ADGRG1: variants seen among roughly 807,000 people sequenced by gnomAD.
ADGRG1 encodes adhesion G protein-coupled receptor G1, also known as 7-transmembrane protein with no EGF-like N-terminal domains-1.
A neutral mutation model predicts 73.5 loss-of-function variants in ADGRG1; 53 were observed. The ratio of observed to expected loss-of-function variants is 0.72; its 90% CI spans 0.58 to 0.91. The LOEUF is 0.91. Among genes scored for constraint, ADGRG1 ranks in the 40% least tolerant of loss-of-function variants. The pLI, the probability that ADGRG1 is intolerant of heterozygous loss-of-function variation, is 0.00. For missense variants in ADGRG1, 795 were observed against 871.8 expected (o/e 0.91, Z 1.11); for synonymous variants, 394 against 374.4 (o/e 1.05, Z -0.60).
intron 1 of ADGRG1, chr16:57,631,230 G>C (rs998350246): frequency 4.7e-5 from 46 of 986,464 alleles, no homozygotes; most frequent in Non-Finnish European, 4.7e-5. Context: ...TTGGTGTAGG[G>C]GTTGGCCTCC....
At chr16:57,641,386 C>T (rs2040782379) in intron 1 of ADGRG1, 1 of 980,280 alleles carries the variant, frequency 1.0e-6, no homozygotes, top group African/African-American at 1.8e-5. Flanking sequence ...GGCCATGAAC[C>T]TCTACGTGGC....
rs148115404 is a variant in ADGRG1 at position 57,639,739 on chromosome 16, C to T, written c.-35-10514C>T. ...ACTCCTGCTCCCTCTCCCTGCTCCC[C>T]GCTTCTCCCCTGTCTTCCTCCTTCA... On this transcript the variant is annotated intron_variant, in intron 1 of 13. Coordinates refer to ENST00000562631, the MANE Select transcript of ADGRG1 (RefSeq NM_201525.4). The T allele has an allele frequency of 9.3e-4, 807 of 867,090 alleles. 1 individual carries two copies. The highest frequency in any genetic ancestry group is 4.0e-3 in the Middle Eastern group (7 of 1,738). The allele number at this position is 867,090 out of a possible 1,614,324, so 53.7% of individuals were successfully genotyped here.
At chr16:57,635,503 C>T (rs1397524092) in intron 1 of ADGRG1, 1 of 985,226 alleles carries the variant, frequency 1.0e-6, no homozygotes, top group East Asian at 1.1e-4. Context: ...CAGGTGGTGG[C>T]ATGCCCCAGG....
At chr16:57,657,987 C>A (rs1390914841) in intron 10 of ADGRG1, among the ~76,000 whole-genome samples, 3 of 152,110 alleles carry the variant, frequency 2.0e-5, no homozygotes, top group Non-Finnish European at 4.4e-5. Context: ...AGTGATCCAC[C>A]CACCTCAGCC....
At chr16:57,659,296 G>C in intron 10 of ADGRG1, 117 bp from the exon 11 acceptor site, 1 of 1,581,562 alleles carries the variant, frequency 6.3e-7, no homozygotes, top group Non-Finnish European at 8.5e-7. Flanking sequence ...GGCCATGTAT[G>C]ACTGCATGTG....
At chr16:57,655,775 T>C (rs896381393) in intron 6 of ADGRG1, 101 bp from the exon 7 acceptor site, 3 of 1,611,996 alleles carry the variant, frequency 1.9e-6, no homozygotes, top group Non-Finnish European at 2.5e-6. Flanking sequence ...CAAGGCAATG[T>C]GCTGGGAGAG....
At chr16:57,644,775 CATAT>C (rs773550994) in intron 1 of ADGRG1, among the ~76,000 whole-genome samples, 1 of 145,902 alleles carries the variant, frequency 6.9e-6, no homozygotes, top group Non-Finnish European at 1.5e-5. Flanking sequence ...TGCACACACA[CATAT>C]GCACACTCAT....
Position 57,665,481 on chromosome 16 carries a change from G to A in ADGRG1, c.*1899G>A, listed in dbSNP as rs530472250. 16 of 152,358 alleles carry A rather than the reference G, an allele frequency of 1.1e-4. No homozygotes were observed. The highest frequency in any genetic ancestry group is 1.9e-4 in the Non-Finnish European group (13 of 68,040). The allele number at this position is 152,358 out of a possible 1,614,324, so 9.4% of individuals were successfully genotyped here. On this transcript the variant is annotated 3_prime_UTR_variant, in exon 14 of 14. Transcript: ENST00000562631. ...GCCAAAGAGATTACAGTCAAAAGCT[G>A]CCTGGTCCTGGGATTTATGCAACCA...
chr16:57,658,956 G>A, intron 10 of ADGRG1: 2 of 985,144 alleles, frequency 2.0e-6, no homozygotes, highest in Non-Finnish European at 2.4e-6. Flanking sequence ...GTGGGGGTGG[G>A]GTGGGGTGTG....
At chr16:57,659,803 A>G in intron 11 of ADGRG1, 122 bp downstream of exon 11, 5 of 1,015,674 alleles carry the variant, frequency 4.9e-6, no homozygotes, top group Non-Finnish European at 7.4e-6. Flanking sequence ...TCCTTCACTC[A>G]TCCTCAGGTG....
At chr16:57,631,440 G>T in intron 1 of ADGRG1, 1 of 985,382 alleles carries the variant, frequency 1.0e-6, no homozygotes, top group Non-Finnish European at 1.2e-6. Flanking sequence ...TCCCAGGGAG[G>T]CCATGGAGGA....
rs587783651 is a variant in ADGRG1, at chr16:57,657,451, C to T, written c.1246C>T (p.Leu416=). The change falls in exon 10 of 14, where the codon CTG becomes TTG. Residue 416 remains leucine (L), a synonymous_variant. Coordinates refer to ENST00000562631, the MANE Select transcript of ADGRG1 (RefSeq NM_201525.4). The stretch of plus-strand genomic sequence containing the variant: ...CTACGTGGGCTGTGTCGTCTCTGCC[C>T]TGGCCTGCCTTGTCACCATTGCCGC... ...LSYVGCVVSA[L]ACLVTIAAYL... is the part of the protein sequence containing the mutation. 4.3e-6 allele frequency: 7 copies of T among 1,613,974 alleles called. No homozygotes were observed. Among genetic ancestry groups the T allele is most frequent in the Non-Finnish European group, 5.1e-6 (6 of 1,179,958 alleles).
chr16:57,661,190 TC>T, intron 12 of ADGRG1: 1 of 669,920 alleles, frequency 1.5e-6, no homozygotes, highest in Non-Finnish European at 1.8e-6. Flanking sequence ...CCTCTCTGTC[TC>T]CCCATGCAGA....
chr16:57,629,955 G>A (rs2037287280), intron 1 of ADGRG1: 3 of 977,090 alleles, frequency 3.1e-6, no homozygotes, highest in Non-Finnish European at 3.6e-6. Context: ...TCAAGGCAGG[G>A]GCCTCCCACC....
At chr16:57,623,278 G>C (rs2035211576), upstream of ADGRG1, 1 of 978,594 alleles carries the variant, frequency 1.0e-6, no homozygotes, top group Non-Finnish European at 1.2e-6. Context: ...AGCCAGGTGT[G>C]GACGCAGGAG....
intron 1 of ADGRG1, chr16:57,641,326 C>T: frequency 5.1e-6 from 5 of 985,356 alleles, no homozygotes; most frequent in Non-Finnish European, 6.0e-6. Flanking sequence ...TGCCCTGGCG[C>T]CCAGGAGGCT....
At chr16:57,655,318 G>T (rs1235174920) in intron 5 of ADGRG1, 81 bp from the exon 6 acceptor site, 8 of 1,534,990 alleles carry the variant, frequency 5.2e-6, no homozygotes, top group South Asian at 3.5e-5. Flanking sequence ...GGAACGGATG[G>T]GTGTGTGTGT....
chr16:57,645,034 C>T (rs2042220382), intron 1 of ADGRG1: 1 of 975,272 alleles, frequency 1.0e-6, no homozygotes, highest in Non-Finnish European at 1.2e-6. Context: ...TCATCACACA[C>T]TCATGCACAT....
chr16:57,633,430 A>G (rs2038519039), intron 1 of ADGRG1: 1 of 985,242 alleles, frequency 1.0e-6, no homozygotes, highest in African/African-American at 1.7e-5. Context: ...CGAGACAGCC[A>G]CACGTCATAG....
Sources: gnomAD v4.1 joint callset for allele counts (sites outside exome capture counted in the v4.1 genomes callset) on GRCh38, gnomAD v4.1.1 for gene constraint, MANE v1.5 for transcripts, NCBI Gene and HGNC (gene_info 2026-07-23, HGNC 2026-07-21) for gene names.